The following CMYA5 variants were observed in gnomAD, a reference collection of about 807,000 sequenced individuals.
The protein encoded by CMYA5 is cardiomyopathy-associated protein 5.
CMYA5 carries 246 observed loss-of-function variants against 318.9 expected under a neutral mutation model. The ratio of observed to expected loss-of-function variants is 0.77; its 90% CI spans 0.70 to 0.86. The LOEUF is 0.86. Among genes scored for constraint, CMYA5 ranks in the 40% least tolerant of loss-of-function variants. The probability of loss-of-function intolerance (pLI) is 0.00; values close to 1 mark genes in which losing one functional copy is unlikely to be tolerated. For missense variants in CMYA5, 4,589 were observed against 4,678.2 expected (o/e 0.98, Z 0.56); for synonymous variants, 1,641 against 1,729.5 (o/e 0.95, Z 1.27).
intron 1 of CMYA5, among the ~76,000 whole-genome samples, chr5:79,711,656 T>C (rs1827393233): frequency 1.3e-5 from 2 of 152,190 alleles, no homozygotes. Flanking sequence ...CTGGGAAATT[T>C]TCTAAACATT....
At chr5:79,752,832 T>C (rs761352551) in intron 6 of CMYA5, 38 bp downstream of exon 6, 1 of 1,438,048 alleles carries the variant, frequency 7.0e-7, no homozygotes, top group Non-Finnish European at 9.8e-7. Context: ...AGATGAAATA[T>C]GGCAGTTTTT....
chr5:79,785,380 C>T (rs1228232408), intron 9 of CMYA5, among the ~76,000 whole-genome samples: 1 of 152,074 alleles, frequency 6.6e-6, no homozygotes, highest in Non-Finnish European at 1.5e-5. Flanking sequence ...TATAGATTAA[C>T]TTAGGGAGAA....
At chr5:79,770,216 C>T (rs1828828624) in intron 9 of CMYA5, among the ~76,000 whole-genome samples, 1 of 152,362 alleles carries the variant, frequency 6.6e-6, no homozygotes, top group East Asian at 1.9e-4. Flanking sequence ...AATTTCAAGC[C>T]AGTGGATCTT....
chr5:79,723,546 A>G (rs1359058925), intron 1 of CMYA5, among the ~76,000 whole-genome samples: 2 of 128,542 alleles, frequency 1.6e-5, no homozygotes, highest in East Asian at 2.3e-4. Flanking sequence ...AGGATGGCTT[A>G]AGGCCAAGAG....
In CMYA5 at chr5:79,737,091, G is replaced by A; in HGVS notation, c.8326G>A (p.Asp2776Asn). 6.2e-7 allele frequency: 1 copy of A among 1,613,624 alleles called. No homozygotes were observed. Among genetic ancestry groups the A allele is most frequent in the Non-Finnish European group, 8.5e-7 (1 of 1,179,772 alleles). ...AGAGCTATGGAAAGGTGGTTCAGTA[G>A]ATATCACAAAAGAAAGTATGAAAGA... ...ESELWKGGSV[D>N]ITKESMKEGF... The change falls in exon 2 of 13, where the codon GAT (aspartate) becomes AAT (asparagine). Residue 2776 changes from aspartate to asparagine, a missense_variant. Physicochemically the swap from Asp to Asn is conservative, Grantham distance 23. Transcript: ENST00000446378.
intron 12 of CMYA5, among the ~76,000 whole-genome samples, chr5:79,795,253 C>T (rs755569473): frequency 1.1e-4 from 16 of 152,214 alleles, no homozygotes; most frequent in Middle Eastern, 3.4e-3. Context: ...TGTCATCCTT[C>T]GAGGGCTTCA....
rs922053055 is a variant in CMYA5 at position 79,731,209 on chromosome 5, T to C, written c.2444T>C (p.Ile815Thr). 3.1e-6 allele frequency: 5 copies of C among 1,613,746 alleles called. No homozygotes were observed. In the African/African-American group the frequency reaches 6.7e-5, roughly 22 times the overall value. Residue 815 changes from isoleucine (I) to threonine (T), a missense_variant, in exon 2 of 13, where the codon ATA (isoleucine) becomes ACA (threonine). Physicochemically the swap from Ile to Thr is moderately conservative, Grantham distance 89. Coordinates refer to ENST00000446378, the MANE Select transcript of CMYA5 (RefSeq NM_153610.5). ...GCAACACAGGAATCTCAAAAGAAAA[T>C]AATCAATGAGGCATCCCAATTCAAA... is the stretch of plus-strand genomic sequence containing the variant. ...LNATQESQKK[I>T]INEASQFKPK...
chr5:79,736,247 A>G lies in CMYA5; in HGVS notation c.7482A>G (p.Thr2494=). 3.7e-6 allele frequency: 6 copies of G among 1,613,494 alleles called. No homozygotes were observed. The highest frequency in any genetic ancestry group is 2.2e-5 in the East Asian group (1 of 44,876). ...GAGATAGTAATGAAATAGGGAAGAC[A>G]CAAATTACACTTGGATCTAGATCTA... ...ELRDSNEIGK[T]QITLGSRSTE... The change falls in exon 2 of 13, where the codon ACA becomes ACG. Residue 2494 remains threonine, a synonymous_variant. Transcript: ENST00000446378.
chr5:79,731,135 T>C lies in CMYA5; in HGVS notation c.2370T>C (p.Arg790=), dbSNP rs756167212. The C allele has an allele frequency of 6.2e-7, 1 of 1,613,922 alleles. No individual in the cohort carries two copies. The highest frequency in any genetic ancestry group is 1.7e-5 in the Admixed American group (1 of 60,012). ...AAGGAGAGGACCTAGGAAGTGAACG[T>C]TTCACACCGGATTCAAAGTTGATCT... The part of the protein sequence containing the change: ...PSEGEDLGSE[R]FTPDSKLISK... Residue 790 remains arginine, a synonymous_variant, in exon 2 of 13, where the codon CGT becomes CGC. Transcript: ENST00000446378.
chr5:79,764,171 G>A (rs949985610), intron 9 of CMYA5, among the ~76,000 whole-genome samples: 14 of 151,576 alleles, frequency 9.2e-5, no homozygotes, highest in Admixed American at 8.5e-4. Flanking sequence ...CCCCAAAAAG[G>A]CCCCAGTGTG....
chr5:79,789,137 C>T, intron 10 of CMYA5, 33 bp downstream of exon 10: 1 of 1,610,688 alleles, frequency 6.2e-7, no homozygotes, highest in East Asian at 2.2e-5. Flanking sequence ...TGAGCTATTT[C>T]CAAGCTATTT....
chr5:79,757,925 C>T (rs1282030325), intron 6 of CMYA5, among the ~76,000 whole-genome samples: 1 of 152,166 alleles, frequency 6.6e-6, no homozygotes, highest in African/African-American at 2.4e-5. Flanking sequence ...ACACATTCAA[C>T]AGTGATTGCA....
At chr5:79,695,742 ATCATAAGCATTACACTAAGGAT>A (rs1827055266) in intron 1 of CMYA5, among the ~76,000 whole-genome samples, 1 of 152,250 alleles carries the variant, frequency 6.6e-6, no homozygotes, top group South Asian at 2.1e-4. Context: ...TCAATGTAAT[ATCATAAGCATTACACTAAGGAT>A]ATTAATAGAG....
intron 1 of CMYA5, among the ~76,000 whole-genome samples, chr5:79,701,091 A>AG: frequency 3.0e-5 from 1 of 33,550 alleles, no homozygotes; most frequent in Non-Finnish European, 5.3e-5. Flanking sequence ...CTAAAAATAC[A>AG]AAAAAAAAAA....
rs886068389 is a variant in CMYA5 at position 79,695,871 on chromosome 5, G to A, written c.149+5815G>A. 2.0e-5 allele frequency among the ~76,000 whole-genome samples: 3 copies of A among 152,214 alleles called. No homozygotes were observed. The East Asian group carries it at 5.8e-4, about 29-fold the overall frequency. ...GAAAGATATTCCAGGCACAATATGT[G>A]GTTAGGTATTCCTTTAGTTCCTGGT... On this transcript the variant is annotated intron_variant, in intron 1 of 12. Transcript: ENST00000446378.
chr5:79,770,608 TG>T (rs1255433406), intron 9 of CMYA5, among the ~76,000 whole-genome samples: 2 of 152,032 alleles, frequency 1.3e-5, no homozygotes, highest in Non-Finnish European at 2.9e-5. Context: ...TCACCCTCCA[TG>T]GGCTGCATCC....
intron 1 of CMYA5, among the ~76,000 whole-genome samples, chr5:79,697,871 T>G (rs1827101227): frequency 6.6e-6 from 1 of 152,200 alleles, no homozygotes; most frequent in Non-Finnish European, 1.5e-5. Flanking sequence ...AAAATCTACA[T>G]AGTAGCTAAT....
intron 10 of CMYA5, among the ~76,000 whole-genome samples, chr5:79,790,126 G>T (rs544845407): frequency 6.6e-6 from 1 of 152,196 alleles, no homozygotes; most frequent in Non-Finnish European, 1.5e-5. Context: ...CTTTTGCCTC[G>T]TTTGTAAGAT....
intron 6 of CMYA5, among the ~76,000 whole-genome samples, chr5:79,755,241 C>T (rs1365083787): frequency 6.6e-6 from 1 of 152,036 alleles, no homozygotes; most frequent in African/African-American, 2.4e-5. Flanking sequence ...TCCTTAGCCT[C>T]TTATAATGAA....
Sources: allele counts gnomAD v4.1 joint callset (sites outside exome capture counted in the v4.1 genomes callset), GRCh38; gene constraint gnomAD v4.1.1; transcripts MANE v1.5; gene names NCBI Gene and HGNC (gene_info 2026-07-23, HGNC 2026-07-21).